The following UPF2 variants were observed in gnomAD, a reference collection of about 807,000 sequenced individuals.
UPF2 encodes UPF2 regulator of nonsense mediated mRNA decay, also known as regulator of nonsense transcripts 2.
A neutral mutation model predicts 141.4 loss-of-function variants in UPF2; 17 were observed. That is an observed-to-expected ratio of 0.12 (90% CI 0.08 to 0.18). UPF2 has a LOEUF of 0.18. UPF2 is among the 10% of genes least tolerant of loss of function. UPF2 has a pLI of 1.00. For synonymous variants in UPF2, 540 were observed against 498.0 expected (o/e 1.08, Z -1.12); for missense variants, 1,152 against 1,515.9 (o/e 0.76, Z 3.99).
At chr10:11,978,489 T>C (rs2131226301) in intron 9 of UPF2, among the ~76,000 whole-genome samples, 1 of 152,272 alleles carries the variant, frequency 6.6e-6, no homozygotes, top group Admixed American at 6.5e-5. Flanking sequence ...TTCATACTTC[T>C]AGGGTTAGAG....
intron 4 of UPF2, among the ~76,000 whole-genome samples, chr10:12,012,284 G>A (rs1242017131): frequency 2.0e-5 from 3 of 151,676 alleles, no homozygotes; most frequent in East Asian, 2.0e-4. Context: ...AGCTGTTCTC[G>A]AACTCCTGAC....
chr10:12,006,213 T>C (rs1834032762), intron 4 of UPF2, among the ~76,000 whole-genome samples: 2 of 152,196 alleles, frequency 1.3e-5, no homozygotes, highest in African/African-American at 2.4e-5. Context: ...TGTCAGTCAA[T>C]TGATAACTGG....
At chr10:11,991,030 G>C (rs1833771403) in intron 8 of UPF2, among the ~76,000 whole-genome samples, 1 of 150,126 alleles carries the variant, frequency 6.7e-6, no homozygotes, top group Non-Finnish European at 1.5e-5. Flanking sequence ...TAACAAAGCT[G>C]AGCAAATCTA....
Position 11,956,898 on chromosome 10 carries a change from G to A in UPF2, c.2371-375C>T, listed in dbSNP as rs955552826. On this transcript the variant is annotated intron_variant, in intron 12 of 21. Coordinates refer to ENST00000357604, the MANE Select transcript of UPF2 (RefSeq NM_015542.4). The surrounding 1 kb of genome is among the most constrained non-coding windows in gnomAD (Gnocchi z 4.2). ...TGCAGTAGCGCAATCTTGACTCACT[G>A]CAACCTCCTCCTCCATGGCTCAAGC... Among the ~76,000 whole-genome samples, 1 of 152,002 alleles carries A rather than the reference G, an allele frequency of 6.6e-6. No individual in the cohort carries two copies. Among genetic ancestry groups the A allele is most frequent in the African/African-American group, 2.4e-5 (1 of 41,364 alleles).
intron 3 of UPF2, among the ~76,000 whole-genome samples, chr10:12,025,617 T>C (rs559779561): frequency 6.6e-6 from 1 of 152,286 alleles, no homozygotes; most frequent in South Asian, 2.1e-4. Context: ...TTACACTATG[T>C]AAGTAAACTT....
At chr10:11,943,562 T>C (rs970055629) in intron 16 of UPF2, among the ~76,000 whole-genome samples, 1 of 152,162 alleles carries the variant, frequency 6.6e-6, no homozygotes, top group East Asian at 1.9e-4. Flanking sequence ...TGTAACAGCA[T>C]TACCAGCTGA....
chr10:12,006,422 AAATAG>A (rs1474217396), intron 4 of UPF2, among the ~76,000 whole-genome samples: 1 of 152,208 alleles, frequency 6.6e-6, no homozygotes, highest in Non-Finnish European at 1.5e-5. Flanking sequence ...TGAGAATTAT[AAATAG>A]ATTATGTAAA....
At chr10:11,987,814 T>A (rs370743375) in intron 8 of UPF2, among the ~76,000 whole-genome samples, 4 of 150,718 alleles carry the variant, frequency 2.7e-5, no homozygotes, top group Non-Finnish European at 5.9e-5. Flanking sequence ...ATGATAGTGT[T>A]TTGAGATTTT....
At chr10:11,967,704 C>A (rs951743637) in intron 9 of UPF2, among the ~76,000 whole-genome samples, 11 of 151,786 alleles carry the variant, frequency 7.2e-5, no homozygotes, top group Non-Finnish European at 1.0e-4. Context: ...CGCCCACCAC[C>A]ACACCCAGCT....
At chr10:12,031,005 T>G (rs1057156398) in intron 2 of UPF2, among the ~76,000 whole-genome samples, 1 of 150,614 alleles carries the variant, frequency 6.6e-6, no homozygotes, top group African/African-American at 2.5e-5. Flanking sequence ...AAACCCCGTC[T>G]CTACTAAAAA....
At chr10:11,948,161 T>C (rs1257193809) in intron 16 of UPF2, among the ~76,000 whole-genome samples, 1 of 141,444 alleles carries the variant, frequency 7.1e-6, no homozygotes, top group East Asian at 2.2e-4. Flanking sequence ...GGCAGGAGAA[T>C]CACTTGAACC....
rs1468325755 is a variant in UPF2 at position 11,979,026 on chromosome 10, A to C, written c.1953+31T>G. 1 of 1,519,550 alleles carries C rather than the reference A, an allele frequency of 6.6e-7. No homozygotes were observed. Among genetic ancestry groups the C allele is most frequent in the South Asian group, 1.1e-5 (1 of 87,422 alleles). The allele number at this position is 1,519,550 out of a possible 1,614,324, so 94.1% of individuals were successfully genotyped here. Reference sequence around the variant, plus strand: ...TCCTCACTCAACGTATAAGAATATAAATATTTCAAAATAAATGCTTAAATA... The same window carrying C: ...TCCTCACTCAACGTATAAGAATATACATATTTCAAAATAAATGCTTAAATA... On this transcript the variant is annotated intron_variant, in intron 9 of 21. Transcript: ENST00000357604. This position sits in a 1 kb window ranked among gnomAD's most constrained non-coding sequence, Gnocchi z 6.2.
chr10:11,949,389 T>A (rs1043283754), intron 15 of UPF2, among the ~76,000 whole-genome samples: 2 of 152,250 alleles, frequency 1.3e-5, no homozygotes, highest in Non-Finnish European at 2.9e-5. Flanking sequence ...CTCTTCATGT[T>A]CAGTTTCAGT....
chr10:12,007,582 A>G (rs978306745), intron 4 of UPF2, among the ~76,000 whole-genome samples: 1 of 151,978 alleles, frequency 6.6e-6, no homozygotes, highest in African/African-American at 2.4e-5. Context: ...TGTAATCCCA[A>G]CACTTTGGGA....
At position 11,929,882 on chromosome 10, in the gene UPF2, G is replaced by C; in HGVS notation, c.3792C>G (p.Ile1264Met). 1.2e-6 allele frequency: 2 copies of C among 1,614,202 alleles called. No individual in the cohort carries two copies. The change falls in exon 21 of 22, where the codon ATC (isoleucine) becomes ATG (methionine). Residue 1264 changes from isoleucine (I) to methionine (M), a missense_variant. Transcript: ENST00000357604. Reference sequence around the variant, plus strand: ...TGCTTTACCTCCCACCAGTCTTAAAGATTAGATCTGCATTAGGTGCTCCCT... The same window carrying C: ...TGCTTTACCTCCCACCAGTCTTAAACATTAGATCTGCATTAGGTGCTCCCT... ...HPKGAPNADLIFKTGGRRR is the reference protein window; with the variant it reads ...HPKGAPNADLMFKTGGRRR
At chr10:11,975,106 G>A (rs2131220524) in intron 9 of UPF2, among the ~76,000 whole-genome samples, 1 of 152,140 alleles carries the variant, frequency 6.6e-6, no homozygotes, top group East Asian at 1.9e-4. Flanking sequence ...AATAAAAGTT[G>A]TCTCCCCAGT....
chr10:12,037,640 G>C (rs1276636419), intron 1 of UPF2, among the ~76,000 whole-genome samples: 1 of 150,730 alleles, frequency 6.6e-6, no homozygotes, highest in African/African-American at 2.4e-5. Context: ...TGATCCATCT[G>C]ACTTGGCCTC....
At chr10:11,923,778 G>A (rs12413857) in intron 21 of UPF2, among the ~76,000 whole-genome samples, 9,108 of 152,150 alleles carry the variant, frequency 0.06, 374 homozygotes, top group Non-Finnish European at 0.092. Context: ...GGCAGAGGTT[G>A]CAGTGAGCCG....
At chr10:11,988,647 G>A (rs1204866813) in intron 8 of UPF2, among the ~76,000 whole-genome samples, 1 of 152,190 alleles carries the variant, frequency 6.6e-6, no homozygotes, top group Non-Finnish European at 1.5e-5. Context: ...CAAACAGGCT[G>A]GGTGAGTATG....
Sources: gnomAD v4.1 joint callset for allele counts (sites outside exome capture counted in the v4.1 genomes callset) on GRCh38, gnomAD v4.1.1 for gene constraint, Gnocchi (gnomAD v3.1) non-coding constraint, MANE v1.5 for transcripts, NCBI Gene and HGNC (gene_info 2026-07-23, HGNC 2026-07-21) for gene names.